The following SH3BP4 variants were observed in gnomAD, a reference collection of about 807,000 sequenced individuals.
SH3BP4 encodes the protein SH3 domain-binding protein 4.
SH3BP4 carries 33 observed loss-of-function variants against 65.5 expected under a neutral mutation model. That is an observed-to-expected ratio of 0.50 (90% CI 0.38 to 0.67). The LOEUF is 0.67. Ranked by LOEUF, SH3BP4 falls within the 30% of genes least tolerant of loss-of-function variation. The probability of loss-of-function intolerance (pLI) is 0.00; values close to 1 mark genes in which losing one functional copy is unlikely to be tolerated. For missense variants in SH3BP4, 1,134 were observed against 1,261.4 expected (o/e 0.90, Z 1.53); for synonymous variants, 552 against 545.5 (o/e 1.01, Z -0.17).
intron 2 of SH3BP4, among the ~76,000 whole-genome samples, chr2:235,007,126 G>C (rs76976902): frequency 0.058 from 8,839 of 151,900 alleles, 837 homozygotes; most frequent in East Asian, 0.44. Flanking sequence ...AAATCAAGTA[G>C]AGGGGAGGGA....
chr2:235,032,740 C>A (rs556431411), intron 2 of SH3BP4, among the ~76,000 whole-genome samples: 1 of 152,130 alleles, frequency 6.6e-6, no homozygotes, highest in African/African-American at 2.4e-5. Flanking sequence ...TGAGCCTCAG[C>A]GTGCCAGACC....
At chr2:234,984,114 C>T (rs1693473673) in intron 1 of SH3BP4, among the ~76,000 whole-genome samples, 1 of 152,216 alleles carries the variant, frequency 6.6e-6, no homozygotes, top group African/African-American at 2.4e-5. Context: ...AGGATCCAGG[C>T]CTAGCTAAGG....
chr2:235,010,098 A>T lies in SH3BP4; in HGVS notation c.-133+14722A>T, dbSNP rs542724357. On this transcript the variant is annotated intron_variant, in intron 2 of 5. Coordinates refer to ENST00000392011, the MANE Select transcript of SH3BP4 (RefSeq NM_014521.3). ...TCCCCCAAACTACTGAGGGTGTATCATCCCCTCCTTGGCAGCCTGACTTGC... is the reference window on the plus strand; with the variant it reads ...TCCCCCAAACTACTGAGGGTGTATCTTCCCCTCCTTGGCAGCCTGACTTGC... Among the ~76,000 whole-genome samples the T allele has an allele frequency of 1.1e-3, 138 of 122,270 alleles. 1 individual carries two copies. Among genetic ancestry groups the T allele is most frequent in the African/African-American group, 3.4e-3 (134 of 39,428 alleles). 80.2% of individuals were successfully genotyped at this position (122,270 alleles called of 152,430 possible). A position where few individuals can be genotyped will look rare whatever the true frequency, so the allele number is the denominator to read the frequency against.
Position 235,034,450 on chromosome 2 carries a change from G to A in SH3BP4, c.-132-421G>A, listed in dbSNP as rs1310340628. 5.3e-5 allele frequency among the ~76,000 whole-genome samples: 8 copies of A among 152,220 alleles called. No individual in the cohort carries two copies. The highest frequency in any genetic ancestry group is 3.9e-4 in the East Asian group (2 of 5,166). ...GAGTCACCATGATGACTGCCCCTGC[G>A]CTGGGATCAGCCACTCTGAACAAGC... On this transcript the variant is annotated intron_variant, in intron 2 of 5. Coordinates refer to ENST00000392011, the MANE Select transcript of SH3BP4 (RefSeq NM_014521.3). This position sits in a 1 kb window ranked among gnomAD's most constrained non-coding sequence, Gnocchi z 6.2.
rs1164970484 is a variant in SH3BP4 at position 235,041,086 on chromosome 2, C to T, written c.317C>T (p.Ser106Phe). 4 of 1,614,116 alleles carry T rather than the reference C, an allele frequency of 2.5e-6. No individual in the cohort carries two copies. The highest frequency in any genetic ancestry group is 4.5e-5 in the East Asian group (2 of 44,866). The change falls in exon 4 of 6, where the codon TCC becomes TTC. Residue 106 changes from serine to phenylalanine, a missense_variant. Transcript: ENST00000392011. The surrounding 1 kb of genome is among the most constrained non-coding windows in gnomAD (Gnocchi z 6.0). ...HNTTEMGYIP[S>F]SYVQPLNYRN... is the part of the protein sequence containing the mutation. ...ACCACCGAAATGGGCTACATCCCCT[C>T]CTCCTATGTGCAGCCCTTGAACTAC...
intron 1 of SH3BP4, among the ~76,000 whole-genome samples, chr2:234,993,833 G>A (rs1693830668): frequency 6.6e-6 from 1 of 152,220 alleles, no homozygotes; most frequent in South Asian, 2.1e-4. Context: ...GAATGGGGCC[G>A]CCTTGTGATT....
intron 1 of SH3BP4, among the ~76,000 whole-genome samples, chr2:234,984,743 T>C (rs1693495214): frequency 6.6e-6 from 1 of 152,154 alleles, no homozygotes; most frequent in African/African-American, 2.4e-5. Context: ...CCCAGTGGTC[T>C]AGCACCATTT....
chr2:235,009,273 TG>T (rs1450355041), intron 2 of SH3BP4, among the ~76,000 whole-genome samples: 1 of 152,126 alleles, frequency 6.6e-6, no homozygotes, highest in African/African-American at 2.4e-5. Context: ...CTGTCTGCCG[TG>T]GGCCTCCACT....
In SH3BP4 at chr2:235,040,786, T is replaced by C. The variant is rs551378206; in HGVS notation, c.119-102T>C. 22 of 1,000,026 alleles carry C rather than the reference T, an allele frequency of 2.2e-5. No homozygotes were observed. The South Asian group carries it at 3.3e-4, about 15-fold the overall frequency. The allele number at this position is 1,000,026 out of a possible 1,614,324, so 61.9% of individuals were successfully genotyped here. On this transcript the variant is annotated intron_variant, in intron 3 of 5. Coordinates refer to ENST00000392011, the MANE Select transcript of SH3BP4 (RefSeq NM_014521.3). ...TCTGTTGGTGACTTGCCTGGGTTAT[T>C]GTGCACCTGTCTGTTTACCACCGTC...
Position 235,011,171 on chromosome 2 carries a change from C to T in SH3BP4, c.-133+15795C>T, listed in dbSNP as rs200821831. Among the ~76,000 whole-genome samples, 408 of 113,652 alleles carry T rather than the reference C, an allele frequency of 3.6e-3. 6 individuals carry two copies. Among genetic ancestry groups the T allele is most frequent in the African/African-American group, 0.02 (385 of 19,362 alleles). 74.6% of individuals were successfully genotyped at this position (113,652 alleles called of 152,430 possible). The stretch of plus-strand genomic sequence containing the variant: ...CCTCCCTCTCCTAGGAGAACCCTTC[C>T]TCCCTCTCCTAGGAGAACCCTTCCT... On this transcript the variant is annotated intron_variant, in intron 2 of 5. Coordinates refer to ENST00000392011, the MANE Select transcript of SH3BP4 (RefSeq NM_014521.3).
intron 1 of SH3BP4, among the ~76,000 whole-genome samples, chr2:234,970,779 T>C (rs1692978665): frequency 6.6e-6 from 1 of 152,194 alleles, no homozygotes; most frequent in Admixed American, 6.5e-5. Context: ...GTTTTCTTTT[T>C]TGTTTATTAG....
intron 2 of SH3BP4, chr2:234,995,901 T>C (rs2106275924): frequency 6.6e-6 from 1 of 152,382 alleles, no homozygotes; most frequent in East Asian, 1.9e-4. Flanking sequence ...GGAGCATTTG[T>C]CCTTGAAACA....
At chr2:235,019,655 C>T (rs1184513822) in intron 2 of SH3BP4, among the ~76,000 whole-genome samples, 1 of 151,550 alleles carries the variant, frequency 6.6e-6, no homozygotes, top group Non-Finnish European at 1.5e-5. Flanking sequence ...AGTCTGGTCT[C>T]GAACTCCTGA....
chr2:235,053,831 C>G lies in SH3BP4; in HGVS notation c.*15C>G, dbSNP rs377494526. ...TCGTGATTTGAATGGGTCCCCTCCC[C>G]TCCTGCTGCTCTGGAGTGCAAGCCC... On this transcript the variant is annotated 3_prime_UTR_variant, in exon 6 of 6. Transcript: ENST00000392011. 4 of 1,593,578 alleles carry G rather than the reference C, an allele frequency of 2.5e-6. No individual in the cohort carries two copies. Among genetic ancestry groups the G allele is most frequent in the Non-Finnish European group, 2.6e-6 (3 of 1,161,492 alleles).
At chr2:235,009,136 A>T (rs924352773) in intron 2 of SH3BP4, among the ~76,000 whole-genome samples, 1 of 152,194 alleles carries the variant, frequency 6.6e-6, no homozygotes, top group Admixed American at 6.5e-5. Flanking sequence ...GGTAGAATAT[A>T]CTTGCCTCCT....
intron 2 of SH3BP4, among the ~76,000 whole-genome samples, chr2:235,007,377 C>T (rs1026793891): frequency 2.6e-5 from 4 of 152,166 alleles, no homozygotes; most frequent in Admixed American, 6.5e-5. Context: ...TCACCTGGGG[C>T]GACCTTGCCT....
At chr2:235,007,996 C>T (rs1694353245) in intron 2 of SH3BP4, among the ~76,000 whole-genome samples, 1 of 152,162 alleles carries the variant, frequency 6.6e-6, no homozygotes, top group African/African-American at 2.4e-5. Flanking sequence ...GTGGAGGATG[C>T]CGCGTGAGCT....
intron 2 of SH3BP4, among the ~76,000 whole-genome samples, chr2:235,017,045 CTTTTTTTTTTTTTTT>C (rs995197698): frequency 5.7e-5 from 5 of 88,440 alleles, no homozygotes; most frequent in African/African-American, 1.3e-4. Flanking sequence ...GTTTGCCTTT[CTTTTTTTTTTTTTTT>C]TTTTTTTTTG....
At chr2:234,983,233 T>G (rs1693445738) in intron 1 of SH3BP4, 2 of 152,238 alleles carry the variant, frequency 1.3e-5, no homozygotes, top group Non-Finnish European at 2.9e-5. Context: ...CTTCTTGTTT[T>G]TGTCCCCAGA....
Sources: gnomAD v4.1 joint callset for allele counts (sites outside exome capture counted in the v4.1 genomes callset) on GRCh38, gnomAD v4.1.1 for gene constraint, Gnocchi (gnomAD v3.1) non-coding constraint, MANE v1.5 for transcripts, NCBI Gene and HGNC (gene_info 2026-07-23, HGNC 2026-07-21) for gene names.